The following KCNMA1 variants were observed in gnomAD, a reference collection of about 807,000 sequenced individuals.
The protein encoded by KCNMA1 is Calcium-activated potassium channel subunit alpha-1.
Under a neutral mutation model 140.0 loss-of-function variants are expected in KCNMA1, and 29 were observed. The observed-to-expected ratio is 0.21, with a 90% confidence interval of 0.15 to 0.28. The LOEUF (loss-of-function observed/expected upper bound fraction) is 0.28, where lower values mean the gene tolerates loss of function less well. Ranked by LOEUF, KCNMA1 falls within the 10% of genes least tolerant of loss-of-function variation. The probability of loss-of-function intolerance (pLI) is 1.00; values close to 1 mark genes in which losing one functional copy is unlikely to be tolerated. For missense variants in KCNMA1, 880 were observed against 1,602.2 expected, an observed-to-expected ratio of 0.55 and a Z score of 7.70; for synonymous variants, 612 against 611.9, an observed-to-expected ratio of 1.00 and a Z score of 0.00.
At chr10:77,286,785 C>T in intron 2 of KCNMA1, among the ~76,000 whole-genome samples, 1 of 145,056 alleles carries the variant, frequency 6.9e-6, no homozygotes, top group East Asian at 2.1e-4. Context: ...GGGGGGGGTT[C>T]CATTCTTACT....
chr10:77,016,931 T>A (rs542558068), intron 17 of KCNMA1, among the ~76,000 whole-genome samples: 39 of 152,252 alleles, frequency 2.6e-4, no homozygotes, highest in African/African-American at 9.4e-4. Context: ...ACAAAGCTTG[T>A]TTAGTTTCAT....
intron 1 of KCNMA1, 149 bp downstream of exon 1, chr10:77,637,116 G>A (rs2093833960): frequency 7.9e-7 from 1 of 1,266,682 alleles, no homozygotes; most frequent in Non-Finnish European, 1.1e-6. Flanking sequence ...GAGAGCACCG[G>A]GAGAGCCGAG....
In KCNMA1 at chr10:77,012,040, T is replaced by C. The variant is rs1266870482; in HGVS notation, c.2019A>G (p.Ala673=). 11 of 1,613,786 alleles carry C rather than the reference T, an allele frequency of 6.8e-6. No homozygotes were observed. The highest frequency in any genetic ancestry group is 8.5e-6 in the Non-Finnish European group (10 of 1,179,848). ...IASDAKEVKR[A]FFYCKACHDD... is the part of the protein sequence containing the mutation. ...CATGACAGGCCTTGCAGTAAAAAAA[T>C]GCCCTGGAGAAAGAGAATGGAAAAA... Residue 673 remains alanine (A), a synonymous_variant, in exon 18 of 28, where the codon GCA becomes GCG. Coordinates refer to ENST00000286628, the MANE Select transcript of KCNMA1 (RefSeq NM_001161352.2).
At chr10:77,613,396 T>C (rs1250624808) in intron 1 of KCNMA1, among the ~76,000 whole-genome samples, 1 of 152,108 alleles carries the variant, frequency 6.6e-6, no homozygotes, top group Non-Finnish European at 1.5e-5. Flanking sequence ...ATTAAAGAAC[T>C]CAAAGCTTAT....
chr10:77,167,635 G>A (rs1263238187), intron 5 of KCNMA1, among the ~76,000 whole-genome samples: 1 of 151,806 alleles, frequency 6.6e-6, no homozygotes, highest in African/African-American at 2.4e-5. Context: ...GTAAGACAGT[G>A]ATGCATCCAG....
At chr10:77,542,247 C>G (rs1234092287) in intron 1 of KCNMA1, among the ~76,000 whole-genome samples, 5 of 152,282 alleles carry the variant, frequency 3.3e-5, no homozygotes, top group Admixed American at 3.3e-4. Flanking sequence ...TCACCCAGTG[C>G]AAGGCATTTT....
chr10:77,635,538 A>C (rs983130761), intron 1 of KCNMA1: 5 of 151,974 alleles, frequency 3.3e-5, no homozygotes, highest in African/African-American at 1.2e-4. Context: ...CTGTTGGGGG[A>C]GGTGGAGGAG....
chr10:77,483,466 C>T (rs917739457), intron 1 of KCNMA1, among the ~76,000 whole-genome samples: 4 of 152,178 alleles, frequency 2.6e-5, no homozygotes, highest in East Asian at 1.9e-4. Context: ...GAAAGGCATG[C>T]GCCACTCCCC....
At chr10:76,929,972 A>C (rs1352785121) in intron 23 of KCNMA1, 1 of 152,242 alleles carries the variant, frequency 6.6e-6, no homozygotes, top group African/African-American at 2.4e-5. Context: ...TACAGCATAT[A>C]CAAAAATCAA....
Position 76,960,935 on chromosome 10 carries a change from A to T in KCNMA1, c.2361-7011T>A, listed in dbSNP as rs1428150602. Among the ~76,000 whole-genome samples, 5 of 152,022 alleles carry T rather than the reference A, an allele frequency of 3.3e-5. No individual in the cohort carries two copies. The East Asian group carries it at 9.7e-4, about 29-fold the overall frequency. ...GTTACTGCTCACTGATAACGCACCCAATTATTCAAGAGCTCTGATGGAGAT... is the reference window on the plus strand; with the variant it reads ...GTTACTGCTCACTGATAACGCACCCTATTATTCAAGAGCTCTGATGGAGAT... On this transcript the variant is annotated intron_variant, in intron 20 of 27. Transcript: ENST00000286628.
At chr10:77,418,637 C>G (rs992373550) in intron 1 of KCNMA1, among the ~76,000 whole-genome samples, 1 of 152,130 alleles carries the variant, frequency 6.6e-6, no homozygotes, top group Non-Finnish European at 1.5e-5. Flanking sequence ...TGGTCCAGCC[C>G]TACGATGAAG....
intron 3 of KCNMA1, among the ~76,000 whole-genome samples, chr10:77,186,215 C>T (rs1264952218): frequency 1.3e-5 from 2 of 152,096 alleles, no homozygotes; most frequent in Non-Finnish European, 2.9e-5. Context: ...TGGATTTATC[C>T]ATTCTTCATC....
chr10:76,988,370 C>T (rs1565388824), intron 19 of KCNMA1, among the ~76,000 whole-genome samples: 1 of 152,044 alleles, frequency 6.6e-6, no homozygotes, highest in Non-Finnish European at 1.5e-5. Context: ...CCAACTGGAC[C>T]TCAAAGATAT....
chr10:77,025,242 G>GTATATATATATATATATATATA (rs1183311699), intron 16 of KCNMA1, among the ~76,000 whole-genome samples: 2 of 42,728 alleles, frequency 4.7e-5, no homozygotes, highest in African/African-American at 7.7e-5. Context: ...GGGTGTGTGT[G>GTATATATATATATATATATATA]TATATATATA....
In KCNMA1 at chr10:77,112,221, A is replaced by C. The variant is rs2097342982; in HGVS notation, c.960+146T>G. 7.3e-6 allele frequency: 5 copies of C among 687,118 alleles called. No individual in the cohort carries two copies. In the Admixed American group the frequency reaches 1.0e-4, roughly 14 times the overall value. 42.6% of individuals were successfully genotyped at this position (687,118 alleles called of 1,614,324 possible). A position where few individuals can be genotyped will look rare whatever the true frequency, so the allele number is the denominator to read the frequency against. ...TTTGGGGTAAAAAGGTTGGAAACCC[A>C]GACAATTGTGTGGTTGCTTCCCATC... On this transcript the variant is annotated intron_variant, in intron 7 of 27. Transcript: ENST00000286628.
intron 3 of KCNMA1, among the ~76,000 whole-genome samples, chr10:77,191,796 T>C (rs1271921523): frequency 6.6e-6 from 1 of 152,154 alleles, no homozygotes; most frequent in Non-Finnish European, 1.5e-5. Flanking sequence ...TTTGTTACTC[T>C]GCAGTACTGA....
At chr10:76,914,321 G>T in intron 24 of KCNMA1, 1 of 585,842 alleles carries the variant, frequency 1.7e-6, no homozygotes, top group Non-Finnish European at 3.0e-6. Flanking sequence ...ATGGTAACAG[G>T]GAGTGCCATG....
intron 1 of KCNMA1, among the ~76,000 whole-genome samples, chr10:77,467,180 A>T (rs35770): frequency 0.16 from 24,521 of 152,018 alleles, 2,263 homozygotes; most frequent in African/African-American, 0.24. Flanking sequence ...ACCAGTTTTT[A>T]AAAAAACTCT....
chr10:77,612,240 T>C (rs1346770509), intron 1 of KCNMA1, among the ~76,000 whole-genome samples: 5 of 152,218 alleles, frequency 3.3e-5, no homozygotes, highest in African/African-American at 1.2e-4. Flanking sequence ...TAGGTCATGG[T>C]CACGAAACTG....
Sources: gnomAD v4.1 joint callset for allele counts (sites outside exome capture counted in the v4.1 genomes callset) on GRCh38, gnomAD v4.1.1 for gene constraint, MANE v1.5 for transcripts, NCBI Gene and HGNC (gene_info 2026-07-23, HGNC 2026-07-21) for gene names.